Variants in RPS6KA1 observed in about 807,000 individuals in gnomAD.
RPS6KA1 encodes the protein ribosomal protein S6 kinase A1.
A neutral mutation model predicts 91.3 loss-of-function variants in RPS6KA1; 48 were observed. The observed-to-expected ratio is 0.53, with a 90% CI of 0.42 to 0.67. The LOEUF (loss-of-function observed/expected upper bound fraction) is 0.67, where lower values mean the gene tolerates loss of function less well. RPS6KA1 is among the 30% of genes least tolerant of loss of function. The pLI is 0.00. For synonymous variants in RPS6KA1, 359 were observed against 384.7 expected, an observed-to-expected ratio of 0.93 and a Z score of 0.78; for missense variants, 719 against 960.5, an observed-to-expected ratio of 0.75 and a Z score of 3.32.
In RPS6KA1 at chr1:26,571,471, C is replaced by T; in HGVS notation, c.1613C>T (p.Pro538Leu). 6.2e-7 allele frequency: 1 copy of T among 1,614,176 alleles called. No individual in the cohort carries two copies. The highest frequency in any genetic ancestry group is 8.5e-7 in the Non-Finnish European group (1 of 1,180,038). The change falls in exon 18 of 22, where the codon CCC (proline) becomes CTC (leucine). Residue 538 changes from proline (P) to leucine (L), a missense_variant. Pro to Leu is a moderately conservative substitution (Grantham distance 98). Coordinates refer to ENST00000374168, the MANE Select transcript of RPS6KA1 (RefSeq NM_002953.4). The surrounding 1 kb of genome is among the most constrained non-coding windows in gnomAD (Gnocchi z 5.1). ...TAGGTTGTGCACAGGGACCTGAAGCCCAGCAACATCCTGTATGTGGACGAG... is the reference window on the plus strand; with the variant it reads ...TAGGTTGTGCACAGGGACCTGAAGCTCAGCAACATCCTGTATGTGGACGAG... ...SQGVVHRDLK[P>L]SNILYVDESG... is the part of the protein sequence containing the mutation.
intron 17 of RPS6KA1, among the ~76,000 whole-genome samples, chr1:26,565,960 C>T (rs1557513506): frequency 6.6e-6 from 1 of 152,158 alleles, no homozygotes; most frequent in Non-Finnish European, 1.5e-5. Flanking sequence ...CATTTCATTG[C>T]TGTGTACAAC....
intron 2 of RPS6KA1, chr1:26,543,214 C>A: frequency 6.5e-7 from 1 of 1,534,780 alleles, no homozygotes; most frequent in Non-Finnish European, 8.7e-7. Flanking sequence ...GTTCCCTGTC[C>A]CAGAAAGGTG....
intron 1 of RPS6KA1, among the ~76,000 whole-genome samples, chr1:26,533,610 CAGA>C (rs1000264376): frequency 1.3e-5 from 2 of 152,128 alleles, no homozygotes; most frequent in Middle Eastern, 3.2e-3. Context: ...GAGGCTGAGG[CAGA>C]AGAATTGCTT....
At chr1:26,550,329 C>T (rs765288615) in intron 4 of RPS6KA1, among the ~76,000 whole-genome samples, 1 of 151,876 alleles carries the variant, frequency 6.6e-6, no homozygotes, top group Non-Finnish European at 1.5e-5. Context: ...ATTACAGGCA[C>T]GTGCCACCAG....
Position 26,547,444 on chromosome 1 carries a change from C to G in RPS6KA1, c.307+174C>G, listed in dbSNP as rs369590434. ...TCCCTCGCCAGCCAATCCTCCTCCC[C>G]CTAAGCCAAGTGCTAGTGACTGGCT... On this transcript the variant is annotated intron_variant, in intron 4 of 21. Transcript: ENST00000374168. The surrounding 1 kb of genome is among the most constrained non-coding windows in gnomAD (Gnocchi z 4.1). The G allele has an allele frequency of 1.2e-3, 707 of 602,860 alleles. 15 individuals carry two copies. Among genetic ancestry groups the G allele is most frequent in the Middle Eastern group, 1.8e-3 (4 of 2,228 alleles). 37.3% of individuals were successfully genotyped at this position (602,860 alleles called of 1,614,324 possible).
rs772647736 is a variant in RPS6KA1, at chr1:26,555,503, G to C, written c.828-34G>C. 3.2e-6 allele frequency: 5 copies of C among 1,552,612 alleles called. No individual in the cohort carries two copies. The East Asian group carries it at 1.2e-4, about 37-fold the overall frequency. On this transcript the variant is annotated intron_variant, in intron 10 of 21. Coordinates refer to ENST00000374168, the MANE Select transcript of RPS6KA1 (RefSeq NM_002953.4). The surrounding 1 kb of genome is among the most constrained non-coding windows in gnomAD (Gnocchi z 4.3). ...GGGGAGATGGGGCCTCTGGGGCAGG[G>C]CTCAGCCTTGATGAGTCCCGGGGGC...
intron 17 of RPS6KA1, among the ~76,000 whole-genome samples, chr1:26,566,244 C>T (rs1409420053): frequency 1.3e-5 from 2 of 148,864 alleles, no homozygotes; most frequent in East Asian, 4.1e-4. Context: ...CAATCATTGC[C>T]ATTCTGGTGG....
intron 2 of RPS6KA1, among the ~76,000 whole-genome samples, chr1:26,546,414 C>T (rs760002951): frequency 4.6e-5 from 7 of 152,200 alleles, no homozygotes; most frequent in Non-Finnish European, 7.4e-5. Context: ...TGCACGTCAG[C>T]CCTGTCCTGC....
At chr1:26,545,534 C>A (rs1181604821) in intron 2 of RPS6KA1, among the ~76,000 whole-genome samples, 1 of 152,176 alleles carries the variant, frequency 6.6e-6, no homozygotes, top group African/African-American at 2.4e-5. Flanking sequence ...TCGTCTGCCT[C>A]CACATATCAG....
Position 26,573,337 on chromosome 1 carries a change from C to A in RPS6KA1, c.2061C>A (p.Ser687=), listed in dbSNP as rs1453397392. 13 of 1,614,190 alleles carry A rather than the reference C, an allele frequency of 8.1e-6. No individual in the cohort carries two copies. The highest frequency in any genetic ancestry group is 1.6e-4 in the Middle Eastern group (1 of 6,062). The change falls in exon 21 of 22, where the codon TCC becomes TCA. Residue 687 remains serine, a synonymous_variant. Coordinates refer to ENST00000374168, the MANE Select transcript of RPS6KA1 (RefSeq NM_002953.4). ...QKDKLPQSQL[S]HQDLQLVKGA... ...ACAAGCTTCCCCAAAGCCAGCTGTC[C>A]CACCAGGACCTACAGCTTGTGAAGG...
chr1:26,560,935 C>T, intron 15 of RPS6KA1, 84 bp downstream of exon 15: 4 of 1,606,402 alleles, frequency 2.5e-6, no homozygotes, highest in Non-Finnish European at 1.7e-6. Flanking sequence ...TGCCTGAGCT[C>T]TGCAGATGTA....
intron 2 of RPS6KA1, chr1:26,545,881 G>A (rs1444047932): frequency 3.9e-6 from 6 of 1,556,450 alleles, no homozygotes; most frequent in Non-Finnish European, 5.2e-6. Context: ...CTGCCATGGT[G>A]CCGTGGCCCT....
intron 17 of RPS6KA1, among the ~76,000 whole-genome samples, chr1:26,568,808 T>C (rs1033519442): frequency 2.0e-5 from 3 of 152,180 alleles, no homozygotes; most frequent in Admixed American, 6.5e-5. Context: ...GTCCCAGTAG[T>C]GTCATGTGTG....
chr1:26,537,119 G>A (rs2075912568), intron 2 of RPS6KA1, 150 bp downstream of exon 2: 1 of 798,860 alleles, frequency 1.3e-6, no homozygotes, highest in African/African-American at 1.7e-5. Flanking sequence ...GCAACCCTGG[G>A]CATAGAAATC....
chr1:26,541,325 C>T (rs1386142911), intron 2 of RPS6KA1, among the ~76,000 whole-genome samples: 18 of 150,270 alleles, frequency 1.2e-4, no homozygotes, highest in Admixed American at 1.1e-3. Context: ...GAGGCCGAGG[C>T]GGGCAGATCG....
rs1466181856 is a variant in RPS6KA1, at chr1:26,571,813, C to T, written c.1753-36C>T. 3.0e-5 allele frequency: 48 copies of T among 1,593,412 alleles called. No homozygotes were observed. Among genetic ancestry groups the T allele is most frequent in the Non-Finnish European group, 4.0e-5 (47 of 1,171,290 alleles). ...ACATCTGTGGCGACTTTCTACTGCCCCCCCAGACTGACCACCTCCCCTGCC... is the reference window on the plus strand; with the variant it reads ...ACATCTGTGGCGACTTTCTACTGCCTCCCCAGACTGACCACCTCCCCTGCC... On this transcript the variant is annotated intron_variant, in intron 18 of 21. Coordinates refer to ENST00000374168, the MANE Select transcript of RPS6KA1 (RefSeq NM_002953.4). The surrounding 1 kb of genome is among the most constrained non-coding windows in gnomAD (Gnocchi z 5.1).
intron 2 of RPS6KA1, among the ~76,000 whole-genome samples, chr1:26,538,435 C>T (rs146303364): frequency 6.6e-6 from 1 of 152,206 alleles, no homozygotes; most frequent in Non-Finnish European, 1.5e-5. Context: ...AGGAGCTTGC[C>T]GAGGCAGGTA....
intron 2 of RPS6KA1, among the ~76,000 whole-genome samples, chr1:26,542,333 G>A (rs906474862): frequency 5.9e-5 from 9 of 152,192 alleles, no homozygotes; most frequent in African/African-American, 1.4e-4. Flanking sequence ...ACAATCTCCC[G>A]GCAGCCATCC....
intron 20 of RPS6KA1, 53 bp from the exon 21 acceptor site, chr1:26,573,171 G>A (rs1397213703): frequency 2.5e-6 from 4 of 1,590,572 alleles, no homozygotes; most frequent in Non-Finnish European, 3.4e-6. Flanking sequence ...GCCCCATCAG[G>A]GGCCTGCTCC....
Sources: allele counts gnomAD v4.1 joint callset (sites outside exome capture counted in the v4.1 genomes callset), GRCh38; gene constraint gnomAD v4.1.1; non-coding constraint Gnocchi (gnomAD v3.1); transcripts MANE v1.5; gene names NCBI Gene and HGNC (gene_info 2026-07-23, HGNC 2026-07-21).